AAGAB: variants seen among roughly 807,000 people sequenced by gnomAD.
AAGAB encodes the protein alpha and gamma adaptin binding protein.
In AAGAB, 38 loss-of-function variants were observed where a neutral mutation model predicts 44.1. That is an observed-to-expected ratio of 0.86 (90% CI 0.67 to 1.13). The LOEUF is 1.13. Among genes scored for constraint, AAGAB ranks in the 50% most tolerant of loss-of-function variants. The pLI is 0.00. For synonymous variants in AAGAB, 131 were observed against 131.8 expected (o/e 0.99, Z 0.04); for missense variants, 450 against 373.8 (o/e 1.20, Z -1.68).
intron 5 of AAGAB, among the ~76,000 whole-genome samples, chr15:67,211,731 A>T (rs1366287602): frequency 6.6e-6 from 1 of 152,154 alleles, no homozygotes; most frequent in Non-Finnish European, 1.5e-5. Flanking sequence ...TCAGTTCATA[A>T]ATCTCTCCAT....
At chr15:67,248,256 C>T (rs980496407) in intron 1 of AAGAB, among the ~76,000 whole-genome samples, 1 of 152,138 alleles carries the variant, frequency 6.6e-6, no homozygotes, top group Non-Finnish European at 1.5e-5. Context: ...ACAATCAGTT[C>T]CCTCACCCCA....
At chr15:67,212,359 G>T (rs548675224) in intron 5 of AAGAB, among the ~76,000 whole-genome samples, 7 of 151,766 alleles carry the variant, frequency 4.6e-5, no homozygotes, top group African/African-American at 9.7e-5. Context: ...GCTGTGTATC[G>T]CAATTAAAAC....
chr15:67,205,153 G>A (rs1028185403), intron 7 of AAGAB, among the ~76,000 whole-genome samples: 6 of 152,186 alleles, frequency 3.9e-5, no homozygotes, highest in Non-Finnish European at 8.8e-5. Context: ...GCCATGATTT[G>A]AACCCAGCTG....
At chr15:67,240,304 C>A (rs1320648995) in intron 1 of AAGAB, among the ~76,000 whole-genome samples, 1 of 152,084 alleles carries the variant, frequency 6.6e-6, no homozygotes, top group East Asian at 1.9e-4. Flanking sequence ...CCTAGAAAAA[C>A]CTGCAGTGGG....
intron 1 of AAGAB, among the ~76,000 whole-genome samples, chr15:67,253,464 T>C (rs1470464494): frequency 6.6e-6 from 1 of 150,500 alleles, no homozygotes; most frequent in African/African-American, 2.5e-5. Flanking sequence ...AAAGAGAAAG[T>C]GAAGGGTAGC....
In AAGAB at chr15:67,246,300, G is replaced by A. The variant is rs28584231; in HGVS notation, c.73+8259C>T. On this transcript the variant is annotated intron_variant, in intron 1 of 9. Transcript: ENST00000261880. ...CGGTGGGGTCGGGGGGCTGAGGCAGGAGAATCACTTGAGCCCGGGAGGCGA... is the reference window on the plus strand; with the variant it reads ...CGGTGGGGTCGGGGGGCTGAGGCAGAAGAATCACTTGAGCCCGGGAGGCGA... 5.6e-3 allele frequency among the ~76,000 whole-genome samples: 854 copies of A among 151,434 alleles called. 6 individuals carry two copies. The highest frequency in any genetic ancestry group is 0.02 in the African/African-American group (806 of 41,188).
At chr15:67,254,850 G>C (rs762543048), upstream of AAGAB, 3 of 1,593,578 alleles carry the variant, frequency 1.9e-6, no homozygotes, top group Non-Finnish European at 2.6e-6. Flanking sequence ...AGGTTTCCGT[G>C]CTTGGAAACC....
At chr15:67,218,759 T>C (rs901118771) in intron 5 of AAGAB, among the ~76,000 whole-genome samples, 1 of 152,222 alleles carries the variant, frequency 6.6e-6, no homozygotes, top group East Asian at 1.9e-4. Context: ...CATTATCAAA[T>C]TATAAATGAC....
chr15:67,241,764 C>A lies in AAGAB; in HGVS notation c.74-4944G>T, dbSNP rs116489566. 5.6e-3 allele frequency among the ~76,000 whole-genome samples: 859 copies of A among 152,236 alleles called. 6 individuals are homozygous for A. Among genetic ancestry groups the A allele is most frequent in the African/African-American group, 0.02 (811 of 41,536 alleles). On this transcript the variant is annotated intron_variant, in intron 1 of 9. Transcript: ENST00000261880. ...CACAGTAAATATTCATTTCCTTCTT[C>A]CCATCTCACTTTTTTTCACATTTGT...
rs1963570993 is a variant in AAGAB at position 67,201,570 on chromosome 15, T to C, written c.*1251A>G. 6.6e-6 allele frequency: 1 copy of C among 152,418 alleles called. No individual in the cohort carries two copies. Among genetic ancestry groups the C allele is most frequent in the African/African-American group, 2.4e-5 (1 of 41,468 alleles). 9.4% of individuals were successfully genotyped at this position (152,418 alleles called of 1,614,324 possible). On this transcript the variant is annotated 3_prime_UTR_variant, in exon 10 of 10. Transcript: ENST00000261880. ...AGCCCACCTAGGCCAGAACCAGTTC[T>C]CAGCTGGTGTGCGGGCACCTTCCAT...
chr15:67,231,830 A>C lies in AAGAB; in HGVS notation c.519T>G (p.Asn173Lys). The change falls in exon 5 of 10, where the codon AAT (asparagine) becomes AAG (lysine). Residue 173 changes from asparagine (N) to lysine (K), a missense_variant. Transcript: ENST00000261880. ...VQALNANVWS[N>K]VVMKNDRNQG... ...GTTACTTACCATTCTTCATCACTAC[A>C]TTGGACCACACATTGGCATTCAGGG... 2.5e-6 allele frequency: 4 copies of C among 1,611,928 alleles called. No individual in the cohort carries two copies. The highest frequency in any genetic ancestry group is 3.4e-6 in the Non-Finnish European group (4 of 1,178,278).
chr15:67,219,406 T>G (rs1258549470), intron 5 of AAGAB, among the ~76,000 whole-genome samples: 2 of 152,156 alleles, frequency 1.3e-5, no homozygotes, highest in Non-Finnish European at 2.9e-5. Flanking sequence ...AGATGGGGAA[T>G]CAACCCAGGT....
At chr15:67,229,695 G>C (rs1226118399) in intron 5 of AAGAB, among the ~76,000 whole-genome samples, 2 of 152,016 alleles carry the variant, frequency 1.3e-5, no homozygotes, top group African/African-American at 2.4e-5. Flanking sequence ...TCAGACCTCA[G>C]GAAAGCTAAA....
intron 7 of AAGAB, among the ~76,000 whole-genome samples, chr15:67,208,003 C>T (rs115192787): frequency 0.01 from 1,588 of 152,216 alleles, 26 homozygotes; most frequent in African/African-American, 0.037. Flanking sequence ...AGTTCCCCAG[C>T]GAAAGAAGAT....
chr15:67,254,859 C>G, upstream of AAGAB: 12 of 1,603,908 alleles, frequency 7.5e-6, no homozygotes, highest in Non-Finnish European at 1.0e-5. Context: ...TGCTTGGAAA[C>G]CGCGCCTCCG....
At chr15:67,236,863 A>C in intron 1 of AAGAB, 43 bp from the exon 2 acceptor site, 1 of 1,466,710 alleles carries the variant, frequency 6.8e-7, no homozygotes, top group South Asian at 1.3e-5. Flanking sequence ...TGCAAAACCA[A>C]TATACATTGG....
upstream of AAGAB, chr15:67,255,050 C>A (rs535472464): frequency 3.1e-5 from 34 of 1,114,526 alleles, no homozygotes; most frequent in Non-Finnish European, 4.3e-5. Flanking sequence ...GGTGCGCCGC[C>A]CCTAGACTCC....
At chr15:67,244,022 T>C (rs1964664698) in intron 1 of AAGAB, among the ~76,000 whole-genome samples, 2 of 152,198 alleles carry the variant, frequency 1.3e-5, no homozygotes, top group African/African-American at 4.8e-5. Flanking sequence ...TAATTTTTCA[T>C]AAACAAATTA....
chr15:67,243,320 A>AT (rs1483780785), intron 1 of AAGAB, among the ~76,000 whole-genome samples: 1 of 152,190 alleles, frequency 6.6e-6, no homozygotes, highest in African/African-American at 2.4e-5. Context: ...TATGGGCTGC[A>AT]TGCAAAGACC....
Sources: gnomAD v4.1 joint callset for allele counts (sites outside exome capture counted in the v4.1 genomes callset) on GRCh38, gnomAD v4.1.1 for gene constraint, MANE v1.5 for transcripts, NCBI Gene and HGNC (gene_info 2026-07-23, HGNC 2026-07-21) for gene names.